The following PAX7 variants were observed in gnomAD, a reference collection of about 807,000 sequenced individuals.
The protein encoded by PAX7 is paired box protein Pax-7.
In PAX7, 18 loss-of-function variants were observed where a neutral mutation model predicts 50.7. The observed-to-expected ratio is 0.36, with a 90% CI of 0.25 to 0.53. The LOEUF (loss-of-function observed/expected upper bound fraction) is 0.53. Ranked by LOEUF, PAX7 falls within the 20% of genes least tolerant of loss-of-function variation. PAX7 has a pLI of 0.93. For synonymous variants in PAX7, 310 were observed against 290.4 expected (o/e 1.07, Z -0.69); for missense variants, 644 against 702.9 (o/e 0.92, Z 0.95).
At position 18,745,003 on chromosome 1, in the gene PAX7, C is replaced by T. The variant is rs775662586; in HGVS notation, c.*74C>T. The T allele has an allele frequency of 2.3e-5, 19 of 843,450 alleles. No individual in the cohort carries two copies. The highest frequency in any genetic ancestry group is 2.9e-4 in the Middle Eastern group (1 of 3,488). 52.2% of individuals were successfully genotyped at this position (843,450 alleles called of 1,614,324 possible). A position where few individuals can be genotyped will look rare whatever the true frequency, so the allele number is the denominator to read the frequency against. ...TGACCCCTGAGCTTCCCAGCCTTGC[C>T]GCCTCACCCCCCTGTTGTCCTAGGA... On this transcript the variant is annotated 3_prime_UTR_variant, in exon 9 of 9. Transcript: ENST00000420770.
intron 8 of PAX7, among the ~76,000 whole-genome samples, chr1:18,737,288 C>T (rs1930788351): frequency 6.6e-6 from 1 of 152,228 alleles, no homozygotes; most frequent in African/African-American, 2.4e-5. Context: ...TCTCCCCCAG[C>T]CCAGCCCTGG....
In PAX7 at chr1:18,708,426, G is replaced by A. The variant is rs192665615; in HGVS notation, c.1155+5130G>A. Among the ~76,000 whole-genome samples the A allele has an allele frequency of 1.9e-3, 289 of 152,042 alleles. 2 individuals are homozygous for A. The highest frequency in any genetic ancestry group is 0.01 in the Middle Eastern group (3 of 294). Reference sequence around the variant, plus strand: ...AAAAATTAGCCAGATACGGTGGGGCGAGCCTGTGGTCCCAGCTACTAGGGT... The same window carrying A: ...AAAAATTAGCCAGATACGGTGGGGCAAGCCTGTGGTCCCAGCTACTAGGGT... On this transcript the variant is annotated intron_variant, in intron 7 of 8. Transcript: ENST00000420770.
chr1:18,650,434 A>G (rs1016317718), intron 4 of PAX7, among the ~76,000 whole-genome samples: 4 of 152,180 alleles, frequency 2.6e-5, no homozygotes, highest in African/African-American at 9.7e-5. Context: ...CTGGCTTGCA[A>G]TGCCATCCTG....
At chr1:18,664,334 T>C (rs750102894) in intron 4 of PAX7, among the ~76,000 whole-genome samples, 4 of 152,228 alleles carry the variant, frequency 2.6e-5, no homozygotes, top group Non-Finnish European at 4.4e-5. Context: ...TGTCAGCCTA[T>C]GGCCACATCT....
chr1:18,640,714 A>C (rs951452788), intron 4 of PAX7, among the ~76,000 whole-genome samples: 1 of 152,144 alleles, frequency 6.6e-6, no homozygotes. Context: ...TCAGCTTCGC[A>C]TAATGGGGGC....
chr1:18,649,646 C>T (rs889136315), intron 4 of PAX7, among the ~76,000 whole-genome samples: 2 of 152,212 alleles, frequency 1.3e-5, no homozygotes, highest in Non-Finnish European at 2.9e-5. Flanking sequence ...CCATAAGCAC[C>T]TACTGGGATC....
Position 18,691,768 on chromosome 1 carries a change from G to A in PAX7, c.601G>A (p.Glu201Lys), listed in dbSNP as rs1170293876. 7.6e-6 allele frequency: 12 copies of A among 1,583,164 alleles called. No individual in the cohort carries two copies. The highest frequency in any genetic ancestry group is 1.0e-5 in the Non-Finnish European group (12 of 1,165,264). The change falls in exon 5 of 9, where the codon GAG becomes AAG. Residue 201 changes from glutamate (E) to lysine (K), a missense_variant. Transcript: ENST00000420770. ...ILGDKGNRLD[E>K]GSDVESEPDL... ...TCCGGCTGTAGGGAACCGGCTGGAC[G>A]AGGGCTCGGATGTGGAGTCGGAACC...
chr1:18,739,175 A>G (rs1321246829), intron 8 of PAX7, among the ~76,000 whole-genome samples: 1 of 152,196 alleles, frequency 6.6e-6, no homozygotes, highest in Admixed American at 6.5e-5. Flanking sequence ...TGCAGGTGCA[A>G]AAACGAGGCT....
At chr1:18,660,859 G>A (rs12407764) in intron 4 of PAX7, among the ~76,000 whole-genome samples, 1 of 152,196 alleles carries the variant, frequency 6.6e-6, no homozygotes, top group East Asian at 1.9e-4. Context: ...TGAGTTAGGG[G>A]AGAAATGGGC....
intron 7 of PAX7, among the ~76,000 whole-genome samples, chr1:18,716,511 G>T (rs11583865): frequency 0.23 from 10,931 of 48,120 alleles, 536 homozygotes; most frequent in East Asian, 0.37. Flanking sequence ...TTTGTTTTTT[G>T]TTTTTTTCAC....
At chr1:18,680,280 G>A (rs2088878374) in intron 4 of PAX7, among the ~76,000 whole-genome samples, 3 of 152,158 alleles carry the variant, frequency 2.0e-5, no homozygotes, top group Non-Finnish European at 4.4e-5. Context: ...GATTCCAAGA[G>A]GACAAGTGAC....
Position 18,662,798 on chromosome 1 carries a change from T to C in PAX7, c.586+26427T>C, listed in dbSNP as rs76784412. Among the ~76,000 whole-genome samples the C allele has an allele frequency of 6.0e-3, 907 of 152,224 alleles. 6 individuals carry two copies. The highest frequency in any genetic ancestry group is 0.027 in the Middle Eastern group (8 of 294). ...CATGTTGGCCAGGATGGTCTAAATG[T>C]CTGACCTCAGGTGATCCTCCTGCCT... is the stretch of plus-strand genomic sequence containing the variant. On this transcript the variant is annotated intron_variant, in intron 4 of 8. Coordinates refer to ENST00000420770, the MANE Select transcript of PAX7 (RefSeq NM_001135254.2).
At chr1:18,737,000 A>C (rs1316118508) in intron 8 of PAX7, among the ~76,000 whole-genome samples, 1 of 152,222 alleles carries the variant, frequency 6.6e-6, no homozygotes, top group African/African-American at 2.4e-5. Flanking sequence ...CAAACTCTGC[A>C]ATGGTCTCAT....
rs1399869671 is a variant in PAX7 at position 18,634,316 on chromosome 1, T to C, written c.99T>C (p.Leu33=). ...TGFPLEVSTP[L]GQGRVNQLGG... ...TCCCTTCTCCAGTGTCCACCCCGCTTGGCCAAGGCCGGGTCAATCAGCTGG... is the reference window on the plus strand; with the variant it reads ...TCCCTTCTCCAGTGTCCACCCCGCTCGGCCAAGGCCGGGTCAATCAGCTGG... Residue 33 remains leucine (L), a synonymous_variant, in exon 2 of 9, where the codon CTT becomes CTC. Coordinates refer to ENST00000420770, the MANE Select transcript of PAX7 (RefSeq NM_001135254.2). This position sits in a 1 kb window ranked among gnomAD's most constrained non-coding sequence, Gnocchi z 4.0. 6.2e-7 allele frequency: 1 copy of C among 1,613,828 alleles called. No homozygotes were observed. Among genetic ancestry groups the C allele is most frequent in the East Asian group, 2.2e-5 (1 of 44,868 alleles).
In PAX7 at chr1:18,735,536, AAG is replaced by A; in HGVS notation, c.1156-93_1156-92del. On this transcript the variant is annotated intron_variant, in intron 7 of 8. Transcript: ENST00000420770. This position sits in a 1 kb window ranked among gnomAD's most constrained non-coding sequence, Gnocchi z 4.0. ...AGACTTCAAGGGAACAACTCTGGCA[AAG>A]AGTGTTCCAGGGCCAGCCTGGCATT... 6.5e-7 allele frequency: 1 copy of A among 1,528,840 alleles called. No individual in the cohort carries two copies. The highest frequency in any genetic ancestry group is 8.8e-7 in the Non-Finnish European group (1 of 1,134,684). 94.7% of individuals were successfully genotyped at this position (1,528,840 alleles called of 1,614,324 possible).
rs1257497335 is a variant in PAX7 at position 18,744,825 on chromosome 1, T to A, written c.1414T>A (p.Tyr472Asn). The change falls in exon 9 of 9, where the codon TAT becomes AAT. Residue 472 changes from tyrosine (Y) to asparagine (N), a missense_variant. Coordinates refer to ENST00000420770, the MANE Select transcript of PAX7 (RefSeq NM_001135254.2). ...YGQYGQTAVD[Y>N]LAKNVSLSTQ... is the part of the protein sequence containing the mutation. ...CTTCTTTTTTCCAGCTGCTGTTGAT[T>A]ATCTGGCCAAAAATGTGAGCCTCTC... The A allele has an allele frequency of 5.8e-6, 9 of 1,552,894 alleles. No individual in the cohort carries two copies. The highest frequency in any genetic ancestry group is 1.7e-6 in the Non-Finnish European group (2 of 1,147,368).
chr1:18,743,035 C>G (rs908886405), intron 8 of PAX7, among the ~76,000 whole-genome samples: 9 of 152,178 alleles, frequency 5.9e-5, no homozygotes, highest in Admixed American at 4.6e-4. Context: ...TGCTTCATCC[C>G]CTCCTGCCCC....
chr1:18,648,929 G>T (rs892934660), intron 4 of PAX7, among the ~76,000 whole-genome samples: 1 of 152,108 alleles, frequency 6.6e-6, no homozygotes, highest in Non-Finnish European at 1.5e-5. Flanking sequence ...GGTTAGGAGA[G>T]GACTGCCCCA....
At chr1:18,723,472 G>A (rs903713469) in intron 7 of PAX7, among the ~76,000 whole-genome samples, 3 of 152,366 alleles carry the variant, frequency 2.0e-5, no homozygotes, top group Non-Finnish European at 4.4e-5. Flanking sequence ...TGATTGGGAT[G>A]TCTGAAGTCT....
Sources: gnomAD v4.1 joint callset for allele counts (sites outside exome capture counted in the v4.1 genomes callset) on GRCh38, gnomAD v4.1.1 for gene constraint, Gnocchi (gnomAD v3.1) non-coding constraint, MANE v1.5 for transcripts, NCBI Gene and HGNC (gene_info 2026-07-23, HGNC 2026-07-21) for gene names.